The following SAMMSON variants were observed in gnomAD, a reference collection of about 807,000 sequenced individuals.
The protein encoded by SAMMSON is long intergenic non-protein coding RNA 1212.
intron 4 of SAMMSON, among the ~76,000 whole-genome samples, chr3:70,124,737 C>A (rs2067448599): frequency 7.0e-6 from 1 of 143,872 alleles, no homozygotes; most frequent in Admixed American, 7.3e-5. Context: ...ATGGCGTGAA[C>A]CCGGGAGGCA....
At chr3:70,234,713 T>C (rs1222660260) in intron 4 of SAMMSON, among the ~76,000 whole-genome samples, 1 of 152,190 alleles carries the variant, frequency 6.6e-6, no homozygotes, top group Non-Finnish European at 1.5e-5. Flanking sequence ...ACATCTACTT[T>C]GCAGCAATTT....
chr3:70,336,361 C>G (rs1702660195), intron 7 of SAMMSON, among the ~76,000 whole-genome samples: 1 of 151,958 alleles, frequency 6.6e-6, no homozygotes. Context: ...CACAAATACT[C>G]TTTTATACTG....
chr3:70,234,817 G>A (rs2106747610), intron 4 of SAMMSON, among the ~76,000 whole-genome samples: 1 of 152,222 alleles, frequency 6.6e-6, no homozygotes, highest in Admixed American at 6.5e-5. Flanking sequence ...TTTAATTGGT[G>A]CTGCTTAAGA....
At chr3:70,322,603 C>G (rs1293848533) in intron 7 of SAMMSON, among the ~76,000 whole-genome samples, 1 of 152,112 alleles carries the variant, frequency 6.6e-6, no homozygotes, top group African/African-American at 2.4e-5. Flanking sequence ...ATGGGTCAGT[C>G]TTAAAGCAGG....
chr3:70,272,759 C>T (rs1426377509), intron 6 of SAMMSON, among the ~76,000 whole-genome samples: 2 of 152,142 alleles, frequency 1.3e-5, no homozygotes, highest in African/African-American at 4.8e-5. Context: ...CCTCTAAATT[C>T]CCCTTGCTTT....
intron 4 of SAMMSON, among the ~76,000 whole-genome samples, chr3:70,100,968 C>T (rs1030838197): frequency 6.6e-6 from 1 of 152,194 alleles, no homozygotes; most frequent in African/African-American, 2.4e-5. Context: ...GTTTATCCAA[C>T]AAAATTATTA....
At chr3:70,387,263 A>G (rs1559578465) in intron 9 of SAMMSON, among the ~76,000 whole-genome samples, 1 of 152,076 alleles carries the variant, frequency 6.6e-6, no homozygotes, top group Non-Finnish European at 1.5e-5. Context: ...TGCATACCAT[A>G]TATGGAAACC....
chr3:70,284,987 T>A (rs1270467142), intron 6 of SAMMSON, among the ~76,000 whole-genome samples: 1 of 152,190 alleles, frequency 6.6e-6, no homozygotes, highest in East Asian at 1.9e-4. Context: ...TGGGTTAAAC[T>A]TAAATCACTG....
At chr3:70,019,009 G>C (rs1276908784) in intron 3 of SAMMSON, among the ~76,000 whole-genome samples, 1 of 152,198 alleles carries the variant, frequency 6.6e-6, no homozygotes, top group Non-Finnish European at 1.5e-5. Flanking sequence ...CAACTACGTG[G>C]TCAATTTTGG....
intron 9 of SAMMSON, among the ~76,000 whole-genome samples, chr3:70,386,125 T>C (rs961449496): frequency 3.9e-5 from 6 of 152,138 alleles, no homozygotes; most frequent in African/African-American, 1.4e-4. Flanking sequence ...AAGAGCGTTT[T>C]GAAGCCTTCT....
intron 3 of SAMMSON, among the ~76,000 whole-genome samples, chr3:70,064,604 C>T (rs2067202296): frequency 6.6e-6 from 1 of 152,066 alleles, no homozygotes; most frequent in African/African-American, 2.4e-5. Context: ...TATTATTGTA[C>T]ATCAGAGTGG....
In SAMMSON at chr3:70,278,817, C is replaced by G. The variant is rs1221053494; in HGVS notation, n.675-12362C>G. On this transcript the variant is annotated intron_variant and non_coding_transcript_variant, in intron 6 of 9. Coordinates refer to ENST00000642114, the Ensembl canonical transcript of SAMMSON. ...TATGTTTCCTATGCCTCAGATTCTTCTTCTATAAAGGATAGCAAGCCACCT... is the reference window on the plus strand; with the variant it reads ...TATGTTTCCTATGCCTCAGATTCTTGTTCTATAAAGGATAGCAAGCCACCT... Among the ~76,000 whole-genome samples, 5 of 152,060 alleles carry G rather than the reference C, an allele frequency of 3.3e-5. No individual in the cohort carries two copies. The East Asian group carries it at 9.7e-4, about 29-fold the overall frequency.
chr3:70,070,471 A>G (rs541181220), intron 3 of SAMMSON: 14 of 152,062 alleles, frequency 9.2e-5, no homozygotes, highest in East Asian at 1.9e-4. Flanking sequence ...ATTTTGTTGT[A>G]TGGTATTGTT....
At chr3:70,242,947 C>T (rs1236070336) in intron 4 of SAMMSON, among the ~76,000 whole-genome samples, 2 of 152,078 alleles carry the variant, frequency 1.3e-5, no homozygotes, top group African/African-American at 4.8e-5. Context: ...CAAAAAAAGA[C>T]TTTAAAAAAA....
intron 6 of SAMMSON, among the ~76,000 whole-genome samples, chr3:70,279,241 A>G (rs2106679652): frequency 6.6e-6 from 1 of 152,056 alleles, no homozygotes; most frequent in East Asian, 1.9e-4. Context: ...TGCAAAGTAC[A>G]TATTATTATT....
chr3:70,395,346 T>G (rs1353941030), intron 2 of SAMMSON, among the ~76,000 whole-genome samples: 3 of 150,228 alleles, frequency 2.0e-5, no homozygotes, highest in African/African-American at 4.9e-5. Flanking sequence ...TTTTTTTTTT[T>G]TTTGTGTTGT....
At chr3:70,296,814 T>C (rs1175075977) in intron 7 of SAMMSON, among the ~76,000 whole-genome samples, 1 of 152,130 alleles carries the variant, frequency 6.6e-6, no homozygotes, top group Non-Finnish European at 1.5e-5. Context: ...CAGCCCACAC[T>C]GTAGCTGGAG....
intron 4 of SAMMSON, among the ~76,000 whole-genome samples, chr3:70,082,536 A>C (rs1479543269): frequency 1.3e-5 from 2 of 152,204 alleles, no homozygotes; most frequent in Admixed American, 1.3e-4. Context: ...TAGGAAAATG[A>C]ACCCTCAAAC....
At chr3:70,169,869 G>T (rs2067654891) in intron 4 of SAMMSON, among the ~76,000 whole-genome samples, 1 of 151,692 alleles carries the variant, frequency 6.6e-6, no homozygotes, top group South Asian at 2.1e-4. Flanking sequence ...TATTGATTTT[G>T]GCTGCTGGTG....
Sources: allele counts gnomAD v4.1 joint callset (sites outside exome capture counted in the v4.1 genomes callset), GRCh38; gene constraint gnomAD v4.1.1; transcripts MANE v1.5; gene names NCBI Gene and HGNC (gene_info 2026-07-23, HGNC 2026-07-21).